WDSUB1: variants seen among roughly 807,000 people sequenced by gnomAD.
WDSUB1 encodes the protein WD repeat, SAM and U-box domain-containing protein 1.
A neutral mutation model predicts 53.9 loss-of-function variants in WDSUB1; 49 were observed. The ratio of observed to expected loss-of-function variants is 0.91; its 90% CI spans 0.72 to 1.15. The LOEUF (loss-of-function observed/expected upper bound fraction) is 1.15, where lower values mean the gene tolerates loss of function less well. Ranked by LOEUF, WDSUB1 falls within the 50% of genes most tolerant of loss-of-function variation. The probability of loss-of-function intolerance (pLI) is 0.00; values close to 1 mark genes in which losing one functional copy is unlikely to be tolerated. For missense variants in WDSUB1, 514 were observed against 562.0 expected, an observed-to-expected ratio of 0.91 and a Z score of 0.86; for synonymous variants, 194 against 200.6, an observed-to-expected ratio of 0.97 and a Z score of 0.28.
At chr2:159,277,813 T>TAAGATATGAGAATA (rs1470178492) in intron 3 of WDSUB1, among the ~76,000 whole-genome samples, 2 of 152,188 alleles carry the variant, frequency 1.3e-5, no homozygotes, top group East Asian at 3.8e-4. Context: ...TCAGAGAATT[T>TAAGATATGAGAATA]ACTCATAAGG....
intron 1 of WDSUB1, 24 bp from the exon 2 acceptor site, chr2:159,283,117 ATTAT>A (rs748854121): frequency 1.3e-6 from 2 of 1,549,722 alleles, no homozygotes; most frequent in Non-Finnish European, 1.7e-6. Flanking sequence ...GCAGATAAAG[ATTAT>A]TTATTCTAGG....
intron 5 of WDSUB1, among the ~76,000 whole-genome samples, chr2:159,267,448 A>G (rs2061367377): frequency 6.6e-6 from 1 of 151,902 alleles, no homozygotes; most frequent in Non-Finnish European, 1.5e-5. Context: ...CTACAGGCAC[A>G]CACCCCTATG....
intron 10 of WDSUB1, among the ~76,000 whole-genome samples, chr2:159,239,796 C>CTACTTACAAATTAGTACCAGCTG: frequency 6.6e-6 from 1 of 152,242 alleles, no homozygotes; most frequent in South Asian, 2.1e-4. Flanking sequence ...TTACTTTTGC[C>CTACTTACAAATTAGTACCAGCTG]TACTTACAAA....
At chr2:159,250,174 T>C (rs1231265447) in intron 9 of WDSUB1, among the ~76,000 whole-genome samples, 2 of 151,736 alleles carry the variant, frequency 1.3e-5, no homozygotes, top group Non-Finnish European at 2.9e-5. Flanking sequence ...AATAAACCGT[T>C]TGAGTCAGTC....
chr2:159,247,920 TATATATAA>T (rs1432995251), intron 10 of WDSUB1, among the ~76,000 whole-genome samples: 3,778 of 75,706 alleles, frequency 0.05, 188 homozygotes, highest in East Asian at 0.32. Context: ...AATATATATA[TATATATAA>T]ATATATATAT....
At chr2:159,264,118 C>G (rs1014822120) in intron 5 of WDSUB1, among the ~76,000 whole-genome samples, 1 of 152,162 alleles carries the variant, frequency 6.6e-6, no homozygotes, top group Non-Finnish European at 1.5e-5. Flanking sequence ...TATCTTCCCC[C>G]AATGTATCAA....
chr2:159,283,070 G>A lies in WDSUB1; in HGVS notation c.-1C>T. 2 of 1,591,090 alleles carry A rather than the reference G, an allele frequency of 1.3e-6. No homozygotes were observed. The highest frequency in any genetic ancestry group is 1.7e-6 in the Non-Finnish European group (2 of 1,166,092). On this transcript the variant is annotated 5_prime_UTR_variant, in exon 2 of 11. Coordinates refer to ENST00000359774, the MANE Select transcript of WDSUB1 (RefSeq NM_001128212.3). ...CTAATGTGTGAATCAGTTTCACCAT[G>A]TTCTTTATTTGAAGAAAAACAGCCT...
rs888416877 is a variant in WDSUB1, at chr2:159,235,899, C to A, written c.*134G>T. 2.2e-6 allele frequency: 2 copies of A among 897,674 alleles called. No individual in the cohort carries two copies. Among genetic ancestry groups the A allele is most frequent in the African/African-American group, 3.5e-5 (2 of 57,950 alleles). 55.6% of individuals were successfully genotyped at this position (897,674 alleles called of 1,614,324 possible). A position where few individuals can be genotyped will look rare whatever the true frequency, so the allele number is the denominator to read the frequency against. On this transcript the variant is annotated 3_prime_UTR_variant, in exon 11 of 11. Coordinates refer to ENST00000359774, the MANE Select transcript of WDSUB1 (RefSeq NM_001128212.3). ...GTGTTTTTTAAAGAATGAAAATTGA[C>A]AATTTTTATAGGTAACTAAATTTAA...
chr2:159,245,611 T>TCAAA (rs1471278445), intron 10 of WDSUB1, among the ~76,000 whole-genome samples: 1 of 151,142 alleles, frequency 6.6e-6, no homozygotes, highest in Non-Finnish European at 1.5e-5. Flanking sequence ...TAAAAATCAA[T>TCAAA]CAAACATCAT....
intron 2 of WDSUB1, among the ~76,000 whole-genome samples, chr2:159,280,215 T>A (rs2061626043): frequency 6.6e-6 from 1 of 152,116 alleles, no homozygotes; most frequent in Non-Finnish European, 1.5e-5. Context: ...AGTCCACATA[T>A]CTTCATATTT....
At chr2:159,243,714 G>GTGATTT (rs1192373796) in intron 10 of WDSUB1, among the ~76,000 whole-genome samples, 2 of 152,190 alleles carry the variant, frequency 1.3e-5, no homozygotes, top group South Asian at 2.1e-4. Flanking sequence ...GGCATAGAAA[G>GTGATTT]TGATTTAACC....
intron 5 of WDSUB1, among the ~76,000 whole-genome samples, chr2:159,266,290 G>A (rs898493674): frequency 2.0e-5 from 3 of 151,842 alleles, no homozygotes; most frequent in South Asian, 2.1e-4. Flanking sequence ...CCGGGTTCAC[G>A]CCACTCTCCT....
rs539517861 is a variant in WDSUB1 at position 159,275,455 on chromosome 2, A to G, written c.676+91T>C. The G allele has an allele frequency of 2.1e-5, 21 of 980,592 alleles. No homozygotes were observed. The African/African-American group carries it at 3.4e-4, about 16-fold the overall frequency. The allele number at this position is 980,592 out of a possible 1,614,324, so 60.7% of individuals were successfully genotyped here. A position where few individuals can be genotyped will look rare whatever the true frequency, so the allele number is the denominator to read the frequency against. The stretch of plus-strand genomic sequence containing the variant: ...AAACCATATTTTAATACTTACTTTT[A>G]GATACTCAAGGTACCTTAAGTAAAA... On this transcript the variant is annotated intron_variant, in intron 4 of 10. Coordinates refer to ENST00000359774, the MANE Select transcript of WDSUB1 (RefSeq NM_001128212.3).
chr2:159,263,548 T>C (rs942240629), intron 5 of WDSUB1, among the ~76,000 whole-genome samples: 1 of 152,146 alleles, frequency 6.6e-6, no homozygotes, highest in African/African-American at 2.4e-5. Flanking sequence ...AAAAAGGAAA[T>C]ATGACCAGTT....
chr2:159,263,414 G>A (rs1220575613), intron 5 of WDSUB1, among the ~76,000 whole-genome samples: 1 of 152,212 alleles, frequency 6.6e-6, no homozygotes, highest in Non-Finnish European at 1.5e-5. Flanking sequence ...TAAGAATGAG[G>A]TGAGGGGAGA....
At chr2:159,276,563 CACTT>C (rs1444970679) in intron 3 of WDSUB1, among the ~76,000 whole-genome samples, 2 of 152,214 alleles carry the variant, frequency 1.3e-5, no homozygotes, top group Non-Finnish European at 2.9e-5. Flanking sequence ...TACTACATTA[CACTT>C]ACTTAATTTT....
chr2:159,269,890 A>C (rs2151124728), intron 5 of WDSUB1, among the ~76,000 whole-genome samples: 1 of 152,312 alleles, frequency 6.6e-6, no homozygotes, highest in East Asian at 1.9e-4. Flanking sequence ...ATCTCCCCAA[A>C]ACCTACAATG....
At chr2:159,267,815 G>T (rs1180896235) in intron 5 of WDSUB1, among the ~76,000 whole-genome samples, 1 of 152,010 alleles carries the variant, frequency 6.6e-6, no homozygotes, top group African/African-American at 2.4e-5. Flanking sequence ...TACTAAGTAT[G>T]ATTTAAATAT....
chr2:159,280,499 G>A (rs1278085971), intron 2 of WDSUB1, among the ~76,000 whole-genome samples: 2 of 150,780 alleles, frequency 1.3e-5, no homozygotes, highest in African/African-American at 4.9e-5. Flanking sequence ...AGACCATCCC[G>A]GCTAAAACGG....
Sources: gnomAD v4.1 joint callset for allele counts (sites outside exome capture counted in the v4.1 genomes callset) on GRCh38, gnomAD v4.1.1 for gene constraint, MANE v1.5 for transcripts, NCBI Gene and HGNC (gene_info 2026-07-23, HGNC 2026-07-21) for gene names.